The following RASA2 variants were observed in gnomAD, a reference collection of about 807,000 sequenced individuals.
RASA2 encodes the protein ras GTPase-activating protein 2.
A neutral mutation model predicts 118.2 loss-of-function variants in RASA2; 155 were observed. That is an observed-to-expected ratio of 1.31 (90% CI 1.15 to 1.50). The LOEUF is 1.50. Ranked by LOEUF, RASA2 falls within the 40% of genes most tolerant of loss-of-function variation. The pLI is 0.00. For missense variants in RASA2, 1,016 were observed against 1,009.6 expected (o/e 1.01, Z -0.09); for synonymous variants, 353 against 349.1 (o/e 1.01, Z -0.12).
chr3:141,513,078 A>C (rs7629035), intron 2 of RASA2, among the ~76,000 whole-genome samples: 36,776 of 148,244 alleles, frequency 0.25, 5,178 homozygotes, highest in Non-Finnish European at 0.32. Flanking sequence ...AAAAAAAAAA[A>C]AACAAAAAAA....
At chr3:141,562,770 T>G (rs1004237845) in intron 9 of RASA2, among the ~76,000 whole-genome samples, 1 of 151,890 alleles carries the variant, frequency 6.6e-6, no homozygotes, top group Non-Finnish European at 1.5e-5. Context: ...CCTCCCGAGT[T>G]TAAGCCATTC....
chr3:141,587,826 T>C (rs1046630975), intron 19 of RASA2, among the ~76,000 whole-genome samples: 5 of 151,640 alleles, frequency 3.3e-5, no homozygotes, highest in African/African-American at 1.2e-4. Context: ...GTAGAATCCC[T>C]TCTGTCCAAA....
At chr3:141,555,751 G>A in intron 6 of RASA2, 89 bp from the exon 7 acceptor site, 1 of 1,077,448 alleles carries the variant, frequency 9.3e-7, no homozygotes, top group Non-Finnish European at 1.4e-6. Flanking sequence ...ACTTTTAAAT[G>A]GAGGTCAGGC....
At chr3:141,581,803 A>G (rs75148107) in intron 17 of RASA2, among the ~76,000 whole-genome samples, 3,428 of 152,310 alleles carry the variant, frequency 0.023, 138 homozygotes, top group African/African-American at 0.077. Context: ...AGTATATAAT[A>G]TCCTAACACA....
intron 4 of RASA2, 72 bp downstream of exon 4, chr3:141,529,874 G>C (rs2082236332): frequency 2.5e-6 from 3 of 1,208,024 alleles, no homozygotes; most frequent in Non-Finnish European, 3.6e-6. Flanking sequence ...AATTAAACTG[G>C]TTCATGTAAA....
At chr3:141,487,379 G>A (rs1224601195) in intron 1 of RASA2, among the ~76,000 whole-genome samples, 163 bp downstream of exon 1, 1 of 151,506 alleles carries the variant, frequency 6.6e-6, no homozygotes, top group Middle Eastern at 3.2e-3. Flanking sequence ...TGTGTTGGGG[G>A]GCGGCGTCGC....
chr3:141,514,609 C>A (rs2081996733), intron 2 of RASA2, among the ~76,000 whole-genome samples: 1 of 152,172 alleles, frequency 6.6e-6, no homozygotes, highest in Non-Finnish European at 1.5e-5. Context: ...AACAGTACAA[C>A]CACTTTGAAA....
intron 1 of RASA2, among the ~76,000 whole-genome samples, chr3:141,503,510 C>T (rs930021155): frequency 5.3e-5 from 8 of 152,086 alleles, no homozygotes; most frequent in South Asian, 2.1e-4. Flanking sequence ...TTATCTTTCG[C>T]GCTTTAAACT....
In RASA2 at chr3:141,580,555, T is replaced by TAC. The variant is rs10663136; in HGVS notation, c.1674+126_1674+127dup. ...CTTCTTCCAAATTAAAAACAAAACATACACACACACACACACACACACAGA... is the reference window on the plus strand; with the variant it reads ...CTTCTTCCAAATTAAAAACAAAACATACACACACACACACACACACACACAGA... On this transcript the variant is annotated intron_variant, in intron 16 of 23. Coordinates refer to ENST00000286364, the MANE Select transcript of RASA2 (RefSeq NM_006506.5). 16,995 of 578,524 alleles carry TAC rather than the reference T, an allele frequency of 0.029. 1,527 individuals carry two copies. Among genetic ancestry groups the TAC allele is most frequent in the African/African-American group, 0.25 (12,835 of 50,498 alleles). The allele number at this position is 578,524 out of a possible 1,614,324, so 35.8% of individuals were successfully genotyped here.
In RASA2 at chr3:141,609,927, GATT is replaced by G; in HGVS notation, c.2384_2386del (p.Tyr795del). The G allele has an allele frequency of 1.2e-6, 2 of 1,605,450 alleles. No homozygotes were observed. The highest frequency in any genetic ancestry group is 2.2e-5 in the South Asian group (2 of 88,968). On this transcript the variant is annotated inframe_deletion, in exon 23 of 24. Transcript: ENST00000286364. ...TCAAGGACCACAGAAAGAGCCTGAT[GATT>G]ATTCTAACTTTGTAATCGAGGATTC...
rs537324112 is a variant in RASA2, at chr3:141,538,658, G to C, written c.451-1875G>C. ...TTAACTCATAATGCCTTTTAATTTA[G>C]TGTTCCACCCTAACAGTATGTGTTT... On this transcript the variant is annotated intron_variant, in intron 4 of 23. Transcript: ENST00000286364. Among the ~76,000 whole-genome samples the C allele has an allele frequency of 5.3e-5, 8 of 152,102 alleles. No homozygotes were observed. In the East Asian group the frequency reaches 1.5e-3, roughly 29 times the overall value.
At chr3:141,556,297 G>A (rs1438321816) in intron 7 of RASA2, among the ~76,000 whole-genome samples, 1 of 151,732 alleles carries the variant, frequency 6.6e-6, no homozygotes, top group Admixed American at 6.6e-5. Flanking sequence ...AGAAATCTGA[G>A]TTCCAGTCAA....
chr3:141,577,716 A>G (rs1012957855), intron 15 of RASA2, among the ~76,000 whole-genome samples: 2 of 152,178 alleles, frequency 1.3e-5, no homozygotes, highest in African/African-American at 4.8e-5. Context: ...CAGTATAGTG[A>G]AAGGCGTAGG....
At chr3:141,598,113 A>C (rs1053974262) in intron 19 of RASA2, among the ~76,000 whole-genome samples, 1 of 152,212 alleles carries the variant, frequency 6.6e-6, no homozygotes, top group African/African-American at 2.4e-5. Flanking sequence ...AGTCGGCCAA[A>C]CACTTAAGGA....
chr3:141,535,995 A>G (rs1435627473), intron 4 of RASA2, among the ~76,000 whole-genome samples: 2 of 152,230 alleles, frequency 1.3e-5, no homozygotes, highest in African/African-American at 2.4e-5. Context: ...CCAAGAATAT[A>G]TGTAATACAC....
chr3:141,606,261 C>T (rs1269403014), intron 19 of RASA2, among the ~76,000 whole-genome samples: 1 of 152,184 alleles, frequency 6.6e-6, no homozygotes, highest in East Asian at 1.9e-4. Context: ...TTCAATTCCC[C>T]ACCCCCATAA....
rs137996961 is a variant in RASA2, at chr3:141,574,006, C to A, written c.1422C>A (p.Cys474Ter). The A allele has an allele frequency of 1.3e-6, 2 of 1,588,776 alleles. No homozygotes were observed. The highest frequency in any genetic ancestry group is 1.7e-5 in the Admixed American group (1 of 58,870). The change falls in exon 14 of 24, where the codon TGC becomes TGA. Residue 474 changes from cysteine (C) to a stop codon, truncating the protein, a stop_gained. Coordinates refer to ENST00000286364, the MANE Select transcript of RASA2 (RefSeq NM_006506.5). LOFTEE classifies it high-confidence loss of function. ...FNTIVKSSMS[C>*]PTVMCDIFYS... ...CAATTGTAAAATCAAGTATGAGCTG[C>A]CCCACTGTAATGTGTGATATCTTTT...
intron 1 of RASA2, among the ~76,000 whole-genome samples, chr3:141,500,486 T>C (rs1011839050): frequency 2.6e-5 from 4 of 152,238 alleles, no homozygotes; most frequent in Non-Finnish European, 5.9e-5. Flanking sequence ...TTTCTGCTAC[T>C]TTTCTACTAA....
intron 15 of RASA2, among the ~76,000 whole-genome samples, chr3:141,578,022 A>G (rs1322688387): frequency 6.6e-6 from 1 of 152,184 alleles, no homozygotes; most frequent in Non-Finnish European, 1.5e-5. Flanking sequence ...AATTGCTCCT[A>G]GTTGCTGATT....
Sources: allele counts gnomAD v4.1 joint callset (sites outside exome capture counted in the v4.1 genomes callset), GRCh38; gene constraint gnomAD v4.1.1; transcripts MANE v1.5; gene names NCBI Gene and HGNC (gene_info 2026-07-23, HGNC 2026-07-21).